TBX15: variants seen among roughly 807,000 people sequenced by gnomAD.
The protein encoded by TBX15 is T-box transcription factor TBX15.
A neutral mutation model predicts 53.9 loss-of-function variants in TBX15; 18 were observed. That is an observed-to-expected ratio of 0.33 (90% CI 0.23 to 0.49). TBX15 has a LOEUF of 0.49. Ranked by LOEUF, TBX15 falls within the 20% of genes least tolerant of loss-of-function variation. The pLI, the probability that TBX15 is intolerant of heterozygous loss-of-function variation, is 0.98. For missense variants in TBX15, 692 were observed against 749.5 expected (o/e 0.92, Z 0.90); for synonymous variants, 295 against 278.0 (o/e 1.06, Z -0.61).
chr1:118,926,506 T>C lies in TBX15; in HGVS notation c.521+4A>G. ...ACATTTCCACATCCCAGAGTTATTG[T>C]TACCTGTATCTTTTATTGTCCACAG... On this transcript the variant is annotated splice_donor_region_variant and intron_variant, in intron 3 of 7. Transcript: ENST00000369429. The C allele has an allele frequency of 6.2e-7, 1 of 1,611,580 alleles. No homozygotes were observed. Among genetic ancestry groups the C allele is most frequent in the Non-Finnish European group, 8.5e-7 (1 of 1,177,938 alleles).
upstream of TBX15, among the ~76,000 whole-genome samples, chr1:118,988,994 C>A (rs918042730): frequency 6.6e-6 from 1 of 152,176 alleles, no homozygotes; most frequent in African/African-American, 2.4e-5. Flanking sequence ...AAGGGGCGGG[C>A]GGCGGAGCGC....
chr1:118,891,134 A>T (rs748575726), intron 7 of TBX15, among the ~76,000 whole-genome samples: 29 of 152,350 alleles, frequency 1.9e-4, no homozygotes, highest in Middle Eastern at 3.4e-3. Context: ...TTAGAGTGCT[A>T]ATAGGAATTG....
chr1:118,961,491 T>C (rs773238531), intron 1 of TBX15, among the ~76,000 whole-genome samples: 3 of 152,184 alleles, frequency 2.0e-5, no homozygotes, highest in Non-Finnish European at 4.4e-5. Flanking sequence ...GGAAGGGAGA[T>C]GTCAGAAGAA....
Position 118,884,252 on chromosome 1 carries a change from GGGCCTCCCTCC to G in TBX15, c.*469_*479del. On this transcript the variant is annotated 3_prime_UTR_variant, in exon 8 of 8. Coordinates refer to ENST00000369429, the MANE Select transcript of TBX15 (RefSeq NM_001330677.2). ...AATTCTTGGTGAAAGCACCCATTCT[GGGCCTCCCTCC>G]ACAGAGTTCACCCAGTTCAGAGTCA... 2 of 171,484 alleles carry G rather than the reference GGGCCTCCCTCC, an allele frequency of 1.2e-5. No homozygotes were observed. The allele number at this position is 171,484 out of a possible 1,614,324, so 10.6% of individuals were successfully genotyped here. A position where few individuals can be genotyped will look rare whatever the true frequency, so the allele number is the denominator to read the frequency against.
chr1:118,938,521 G>A (rs1457352635), intron 1 of TBX15, among the ~76,000 whole-genome samples: 1 of 152,182 alleles, frequency 6.6e-6, no homozygotes, highest in Non-Finnish European at 1.5e-5. Flanking sequence ...GCAGACAAAG[G>A]CTCAATGCCA....
At chr1:118,919,123 T>C (rs1655340907) in intron 5 of TBX15, among the ~76,000 whole-genome samples, 1 of 152,218 alleles carries the variant, frequency 6.6e-6, no homozygotes, top group Non-Finnish European at 1.5e-5. Flanking sequence ...ATGTAGCCAA[T>C]TCTCATCAAG....
chr1:118,924,776 G>T lies in TBX15; in HGVS notation c.563C>A (p.Ala188Asp). Residue 188 changes from alanine to aspartate, a missense_variant, in exon 4 of 8, where the codon GCT becomes GAT. Transcript: ENST00000369429. ...HSSKWMVAGNADSPVPPRVYI... is the reference protein window; with the variant it reads ...HSSKWMVAGNDDSPVPPRVYI... ...AACTCTTGGGGGCACAGGGGAATCA[G>T]CATTGCCAGCCACCATCCACTTGGA... 1 of 1,614,058 alleles carries T rather than the reference G, an allele frequency of 6.2e-7. No individual in the cohort carries two copies. The highest frequency in any genetic ancestry group is 8.5e-7 in the Non-Finnish European group (1 of 1,179,994).
At chr1:118,981,303 TACACACAC>T (rs35594301) in intron 1 of TBX15, among the ~76,000 whole-genome samples, 51 of 146,768 alleles carry the variant, frequency 3.5e-4, no homozygotes, top group East Asian at 1.2e-3. Flanking sequence ...TTAAACTAGC[TACACACAC>T]ACACACACAC....
At chr1:118,971,024 A>G (rs934880664) in intron 1 of TBX15, among the ~76,000 whole-genome samples, 6 of 152,206 alleles carry the variant, frequency 3.9e-5, no homozygotes, top group African/African-American at 1.4e-4. Context: ...AGAACACTAG[A>G]TAGTTTCAGA....
chr1:118,943,416 G>A (rs1389802946), intron 1 of TBX15, among the ~76,000 whole-genome samples: 1 of 152,184 alleles, frequency 6.6e-6, no homozygotes, highest in Non-Finnish European at 1.5e-5. Context: ...AAGAAACAAC[G>A]AAAATGCCAT....
intron 1 of TBX15, among the ~76,000 whole-genome samples, chr1:118,935,411 C>G (rs1269465960): frequency 1.3e-5 from 2 of 152,074 alleles, no homozygotes; most frequent in African/African-American, 4.8e-5. Context: ...ACTTCCTGTC[C>G]TCAAAAAATA....
At chr1:118,908,942 A>C (rs1654933725) in intron 6 of TBX15, among the ~76,000 whole-genome samples, 1 of 151,902 alleles carries the variant, frequency 6.6e-6, no homozygotes, top group Non-Finnish European at 1.5e-5. Flanking sequence ...ACACACACAC[A>C]CATGCATGCA....
chr1:118,919,745 A>G (rs1557884088), intron 5 of TBX15, among the ~76,000 whole-genome samples: 1 of 152,170 alleles, frequency 6.6e-6, no homozygotes, highest in Non-Finnish European at 1.5e-5. Flanking sequence ...GTGCTTCAGA[A>G]TTTTTTAGGT....
chr1:118,959,272 T>C (rs1656789059), intron 1 of TBX15, among the ~76,000 whole-genome samples: 1 of 152,192 alleles, frequency 6.6e-6, no homozygotes, highest in South Asian at 2.1e-4. Flanking sequence ...CCCTGATCCA[T>C]GCCAGAAAGC....
At chr1:118,972,081 T>C (rs1184227306) in intron 1 of TBX15, among the ~76,000 whole-genome samples, 2 of 152,186 alleles carry the variant, frequency 1.3e-5, no homozygotes, top group African/African-American at 4.8e-5. Flanking sequence ...GCAGAATACT[T>C]AACTGGGGCT....
intron 1 of TBX15, among the ~76,000 whole-genome samples, chr1:118,949,003 T>A (rs919313523): frequency 3.9e-5 from 6 of 152,178 alleles, no homozygotes; most frequent in African/African-American, 7.2e-5. Flanking sequence ...ATATATCCTC[T>A]TAGGAAGGGA....
chr1:118,906,577 A>C (rs139958378), intron 6 of TBX15, among the ~76,000 whole-genome samples: 2 of 152,140 alleles, frequency 1.3e-5, no homozygotes, highest in Non-Finnish European at 2.9e-5. Flanking sequence ...TGGCCATGGG[A>C]CAGCAGCTGC....
chr1:118,976,802 C>A (rs895018843), intron 1 of TBX15, among the ~76,000 whole-genome samples: 8 of 152,158 alleles, frequency 5.3e-5, no homozygotes, highest in African/African-American at 1.9e-4. Flanking sequence ...TTTCTAACTG[C>A]GGGCTATAAA....
At chr1:118,952,107 T>G (rs1656534770) in intron 1 of TBX15, among the ~76,000 whole-genome samples, 1 of 152,112 alleles carries the variant, frequency 6.6e-6, no homozygotes, top group African/African-American at 2.4e-5. Context: ...GTGAAAACAA[T>G]AAGGATGAAG....
Sources: gnomAD v4.1 joint callset for allele counts (sites outside exome capture counted in the v4.1 genomes callset) on GRCh38, gnomAD v4.1.1 for gene constraint, MANE v1.5 for transcripts, NCBI Gene and HGNC (gene_info 2026-07-23, HGNC 2026-07-21) for gene names.